The following FMN1 variants were observed in gnomAD, a reference collection of about 807,000 sequenced individuals.
FMN1 encodes formin-1.
A neutral mutation model predicts 132.4 loss-of-function variants in FMN1; 110 were observed. The observed-to-expected ratio is 0.83, with a 90% CI of 0.71 to 0.97. The LOEUF (loss-of-function observed/expected upper bound fraction) is 0.97. Ranked by LOEUF, FMN1 falls within the 50% of genes least tolerant of loss-of-function variation. FMN1 has a pLI of 0.00. For missense variants in FMN1, 1,792 were observed against 1,705.3 expected, an observed-to-expected ratio of 1.05 and a Z score of -0.90; for synonymous variants, 722 against 651.7, an observed-to-expected ratio of 1.11 and a Z score of -1.64.
At chr15:33,109,884 A>T (rs1158087480) in intron 4 of FMN1, among the ~76,000 whole-genome samples, 1 of 151,964 alleles carries the variant, frequency 6.6e-6, no homozygotes, top group Non-Finnish European at 1.5e-5. Flanking sequence ...ACTGTAAATC[A>T]GGAAGTCTAA....
intron 4 of FMN1, among the ~76,000 whole-genome samples, chr15:33,122,209 A>T (rs1962629991): frequency 6.6e-6 from 1 of 152,256 alleles, no homozygotes; most frequent in African/African-American, 2.4e-5. Flanking sequence ...ACTCTGACCT[A>T]TAGTCACCAA....
chr15:33,191,647 C>T (rs186035623), intron 2 of FMN1, among the ~76,000 whole-genome samples: 3 of 152,352 alleles, frequency 2.0e-5, no homozygotes, highest in East Asian at 1.9e-4. Context: ...TTCTCAGACC[C>T]TTGCTTTTAT....
rs398026774 is a variant in FMN1 at position 33,069,993 on chromosome 15, C to CTCTCTTTTTTTT, written c.2044-4920_2044-4919insAAAAAAAAGAGA. ...AACAGATCATAAGATCAGTCTTTCT[C>CTCTCTTTTTTTT]TTTTTTTTTTTTTTTTTTTTTTTTT... On this transcript the variant is annotated intron_variant, in intron 5 of 20. Transcript: ENST00000616417. Among the ~76,000 whole-genome samples the CTCTCTTTTTTTT allele has an allele frequency of 6.9e-4, 51 of 74,322 alleles. 2 individuals are homozygous for CTCTCTTTTTTTT. Among genetic ancestry groups the CTCTCTTTTTTTT allele is most frequent in the Admixed American group, 1.1e-3 (6 of 5,386 alleles). 48.8% of individuals were successfully genotyped at this position (74,322 alleles called of 152,430 possible).
At chr15:32,827,427 G>C (rs901288349) in intron 17 of FMN1, among the ~76,000 whole-genome samples, 1 of 152,168 alleles carries the variant, frequency 6.6e-6, no homozygotes, top group Admixed American at 6.5e-5. Flanking sequence ...AAGGAATCTT[G>C]TCGTTCTAGA....
chr15:32,965,623 G>A (rs1335145050), intron 8 of FMN1, among the ~76,000 whole-genome samples: 4 of 152,008 alleles, frequency 2.6e-5, no homozygotes, highest in Non-Finnish European at 4.4e-5. Context: ...TAAAACAGTT[G>A]GCAGCCCTGG....
At chr15:33,047,833 C>T (rs1220770121) in intron 6 of FMN1, among the ~76,000 whole-genome samples, 1 of 151,996 alleles carries the variant, frequency 6.6e-6, no homozygotes, top group Non-Finnish European at 1.5e-5. Flanking sequence ...ACTTTCCTGG[C>T]CCTATTCCTC....
intron 2 of FMN1, among the ~76,000 whole-genome samples, chr15:33,181,810 G>C (rs1965714655): frequency 6.8e-6 from 1 of 147,246 alleles, no homozygotes; most frequent in South Asian, 2.1e-4. Flanking sequence ...TCAGGTTAAA[G>C]CGATTCTCCT....
intron 17 of FMN1, among the ~76,000 whole-genome samples, chr15:32,827,193 C>T (rs550486173): frequency 3.0e-4 from 45 of 152,256 alleles, no homozygotes; most frequent in African/African-American, 1.0e-3. Flanking sequence ...GCAGCTTTAC[C>T]GTCCATCTAG....
chr15:32,863,112 T>C (rs2059311196), intron 16 of FMN1, among the ~76,000 whole-genome samples: 1 of 152,176 alleles, frequency 6.6e-6, no homozygotes, highest in African/African-American at 2.4e-5. Flanking sequence ...CTAGAATGCT[T>C]GGTTAAGGAG....
intron 6 of FMN1, among the ~76,000 whole-genome samples, chr15:33,022,355 G>A (rs559605008): frequency 1.3e-5 from 2 of 152,278 alleles, no homozygotes; most frequent in South Asian, 4.2e-4. Context: ...GTATGGAGGG[G>A]AGGCTGGGGA....
rs1321001553 is a variant in FMN1 at position 32,898,991 on chromosome 15, G to A, written c.3655-98C>T. On this transcript the variant is annotated intron_variant, in intron 14 of 20. Transcript: ENST00000616417. ...ATCTCAGTTGAGAAATTTCTAATTC[G>A]TGAAAACTGGCTTTCTCTTCGATGC... The A allele has an allele frequency of 1.2e-5, 10 of 809,260 alleles. No homozygotes were observed. The Admixed American group carries it at 1.5e-4, about 12-fold the overall frequency. The allele number at this position is 809,260 out of a possible 1,614,324, so 50.1% of individuals were successfully genotyped here.
In FMN1 at chr15:33,122,644, TGAGA is replaced by T. The variant is rs142257054; in HGVS notation, c.1867+30400_1867+30403del. Among the ~76,000 whole-genome samples, 665 of 152,318 alleles carry T rather than the reference TGAGA, an allele frequency of 4.4e-3. 3 individuals are homozygous for T. The highest frequency in any genetic ancestry group is 0.015 in the African/African-American group (634 of 41,572). ...ATGGCCACTAGTGACAGGTACAATGTGAGAGAGAAAACTTGGAGTTTGTGTCAAA... is the reference window on the plus strand; with the variant it reads ...ATGGCCACTAGTGACAGGTACAATGTGAGAAAACTTGGAGTTTGTGTCAAA... On this transcript the variant is annotated intron_variant, in intron 4 of 20. Transcript: ENST00000616417.
intron 17 of FMN1, among the ~76,000 whole-genome samples, chr15:32,828,101 T>C (rs1180146202): frequency 6.6e-6 from 1 of 152,130 alleles, no homozygotes; most frequent in Non-Finnish European, 1.5e-5. Context: ...GAAACCAGCC[T>C]GACCAACATG....
chr15:33,052,137 GCTAAAC>G, intron 6 of FMN1, among the ~76,000 whole-genome samples: 1 of 152,150 alleles, frequency 6.6e-6, no homozygotes, highest in East Asian at 1.9e-4. Flanking sequence ...TAAGGAGAGA[GCTAAAC>G]CTGATATTCT....
intron 9 of FMN1, among the ~76,000 whole-genome samples, chr15:32,930,871 T>G (rs188182391): frequency 6.6e-6 from 1 of 152,336 alleles, no homozygotes; most frequent in Admixed American, 6.5e-5. Flanking sequence ...TTTTTGTATA[T>G]GTTCCAAGAT....
rs145753334 is a variant in FMN1, at chr15:33,184,700, C to T, written c.-196-4438G>A. Among the ~76,000 whole-genome samples, 363 of 152,168 alleles carry T rather than the reference C, an allele frequency of 2.4e-3. 2 individuals are homozygous for T. Among genetic ancestry groups the T allele is most frequent in the African/African-American group, 7.9e-3 (329 of 41,532 alleles). Reference sequence around the variant, plus strand: ...CATATTTTTAGTAGAGATGGGTTTACGCCATGTTGGCCAGGCTGGTCTCAA... The same window carrying T: ...CATATTTTTAGTAGAGATGGGTTTATGCCATGTTGGCCAGGCTGGTCTCAA... On this transcript the variant is annotated intron_variant, in intron 2 of 20. Coordinates refer to ENST00000616417, the MANE Select transcript of FMN1 (RefSeq NM_001277313.2).
chr15:32,992,801 A>G (rs113340022), intron 7 of FMN1, among the ~76,000 whole-genome samples: 17 of 152,326 alleles, frequency 1.1e-4, no homozygotes, highest in African/African-American at 4.1e-4. Context: ...AAAGACCATA[A>G]CAATCAATAG....
intron 4 of FMN1, among the ~76,000 whole-genome samples, chr15:33,119,475 G>A (rs1371469076): frequency 6.6e-6 from 1 of 152,202 alleles, no homozygotes; most frequent in Non-Finnish European, 1.5e-5. Context: ...TGCCACCCAG[G>A]AGGAGACTCT....
chr15:32,993,664 A>G (rs1330011727), intron 7 of FMN1, among the ~76,000 whole-genome samples: 1 of 152,230 alleles, frequency 6.6e-6, no homozygotes, highest in Non-Finnish European at 1.5e-5. Flanking sequence ...TTCCAGAGGG[A>G]GAATCAAGCT....
Sources: allele counts gnomAD v4.1 joint callset (sites outside exome capture counted in the v4.1 genomes callset), GRCh38; gene constraint gnomAD v4.1.1; transcripts MANE v1.5; gene names NCBI Gene and HGNC (gene_info 2026-07-23, HGNC 2026-07-21).